RBFOX1: variants seen among roughly 807,000 people sequenced by gnomAD.
RBFOX1 encodes the protein RNA binding fox-1 homolog 1.
RBFOX1 carries 8 observed loss-of-function variants against 57.7 expected under a neutral mutation model. That is an observed-to-expected ratio of 0.14 (90% CI 0.08 to 0.25). The LOEUF (loss-of-function observed/expected upper bound fraction) is 0.25, where lower values mean the gene tolerates loss of function less well. Ranked by LOEUF, RBFOX1 falls within the 10% of genes least tolerant of loss-of-function variation. RBFOX1 has a pLI of 1.00. For missense variants in RBFOX1, 611 were observed against 548.5 expected (o/e 1.11, Z -1.14); for synonymous variants, 326 against 222.4 (o/e 1.47, Z -4.15).
chr16:7,139,176 C>CTCTCTCTGTGTGTGTG (rs372381673), intron 4 of RBFOX1, among the ~76,000 whole-genome samples: 1,768 of 145,886 alleles, frequency 0.012, 54 homozygotes, highest in East Asian at 0.066. Context: ...CAATCTCTCT[C>CTCTCTCTGTGTGTGTG]TGTGTGTGTG....
At chr16:6,295,937 C>G (rs554099185) in intron 1 of RBFOX1, among the ~76,000 whole-genome samples, 2 of 152,320 alleles carry the variant, frequency 1.3e-5, no homozygotes, top group South Asian at 4.1e-4. Context: ...TGATGTAACA[C>G]AGCTATTTTA....
chr16:6,675,455 C>T (rs1003389228), intron 3 of RBFOX1, among the ~76,000 whole-genome samples: 4 of 152,144 alleles, frequency 2.6e-5, no homozygotes, highest in Admixed American at 2.0e-4. Context: ...TCAAGACTTG[C>T]ATTTGACAAA....
chr16:6,514,851 C>A (rs535296820), intron 2 of RBFOX1, among the ~76,000 whole-genome samples: 2 of 150,066 alleles, frequency 1.3e-5, no homozygotes, highest in Non-Finnish European at 3.0e-5. Context: ...CATGGAGTTT[C>A]CAATAATAAT....
chr16:7,330,388 G>GTTT lies in RBFOX1; in HGVS notation c.28-187741_28-187739dup, dbSNP rs71391623. 1.3e-3 allele frequency among the ~76,000 whole-genome samples: 114 copies of GTTT among 88,134 alleles called. 14 individuals carry two copies. The highest frequency in any genetic ancestry group is 4.7e-3 in the African/African-American group (104 of 22,304). The allele number at this position is 88,134 out of a possible 152,430, so 57.8% of individuals were successfully genotyped here. A position where few individuals can be genotyped will look rare whatever the true frequency, so the allele number is the denominator to read the frequency against. ...GTATATGTTCAGTGCAGGTGCAGAG[G>GTTT]TTTTTTTTTTTTTTTTTTTTCTGTT... On this transcript the variant is annotated intron_variant, in intron 4 of 15. Coordinates refer to ENST00000550418, the MANE Select transcript of RBFOX1 (RefSeq NM_018723.4).
chr16:6,966,905 A>G (rs201048603), intron 3 of RBFOX1, among the ~76,000 whole-genome samples: 78,212 of 147,920 alleles, frequency 0.53, 21,619 homozygotes, highest in Non-Finnish European at 0.62. Flanking sequence ...CCATCCATCC[A>G]TCCATCCATC....
intron 3 of RBFOX1, among the ~76,000 whole-genome samples, chr16:7,004,785 A>G (rs909895367): frequency 2.0e-5 from 3 of 152,138 alleles, no homozygotes; most frequent in African/African-American, 7.2e-5. Context: ...GATTAAGATA[A>G]CCTAATCCAC....
chr16:7,185,089 A>T (rs766013403), intron 4 of RBFOX1, among the ~76,000 whole-genome samples: 1 of 152,178 alleles, frequency 6.6e-6, no homozygotes, highest in South Asian at 2.1e-4. Context: ...TCCATACAAT[A>T]TATCTATTTA....
intron 1 of RBFOX1, among the ~76,000 whole-genome samples, chr16:5,391,746 T>A (rs2066413905): frequency 6.6e-6 from 1 of 151,984 alleles, no homozygotes; most frequent in African/African-American, 2.4e-5. Context: ...TGTTTTCATA[T>A]CTAGATTTCC....
At chr16:5,708,013 C>T (rs952414956) in intron 3 of RBFOX1, among the ~76,000 whole-genome samples, 1 of 152,182 alleles carries the variant, frequency 6.6e-6, no homozygotes, top group South Asian at 2.1e-4. Context: ...AAAGGGTTCA[C>T]CACATGGTTA....
At chr16:6,035,663 C>A (rs1404974808) in intron 1 of RBFOX1, among the ~76,000 whole-genome samples, 1 of 152,168 alleles carries the variant, frequency 6.6e-6, no homozygotes. Flanking sequence ...ACGTGGCAGA[C>A]ATTGATAATC....
chr16:6,071,303 AGAGT>A (rs2095834835), intron 1 of RBFOX1, among the ~76,000 whole-genome samples: 1 of 152,236 alleles, frequency 6.6e-6, no homozygotes, highest in Non-Finnish European at 1.5e-5. Context: ...CCTGGATGAC[AGAGT>A]GAGACCCTGT....
At chr16:6,446,911 C>G (rs1362113952) in intron 2 of RBFOX1, among the ~76,000 whole-genome samples, 1 of 152,102 alleles carries the variant, frequency 6.6e-6, no homozygotes, top group Admixed American at 6.5e-5. Context: ...CATTGCCAAA[C>G]TGGTAGGTGA....
chr16:6,625,716 C>A (rs770321233), intron 2 of RBFOX1, among the ~76,000 whole-genome samples: 1 of 147,650 alleles, frequency 6.8e-6, no homozygotes, highest in Non-Finnish European at 1.5e-5. Flanking sequence ...AATCTTGTTT[C>A]TGTTATTTCC....
intron 1 of RBFOX1, among the ~76,000 whole-genome samples, chr16:6,289,853 C>A (rs1413566664): frequency 6.6e-6 from 1 of 152,104 alleles, no homozygotes; most frequent in Non-Finnish European, 1.5e-5. Context: ...AAAGAATCAT[C>A]CCTCAGTAAG....
intron 3 of RBFOX1, among the ~76,000 whole-genome samples, chr16:7,037,323 C>G (rs1211241341): frequency 7.1e-6 from 1 of 141,002 alleles, no homozygotes. Context: ...CTCACCATAA[C>G]CTCCACTTCC....
chr16:6,982,416 G>T (rs2089167856), intron 3 of RBFOX1, among the ~76,000 whole-genome samples: 2 of 152,132 alleles, frequency 1.3e-5, no homozygotes, highest in South Asian at 4.2e-4. Context: ...TCTGATCCTG[G>T]AGCATCAGTC....
chr16:7,005,280 A>T (rs1450634204), intron 3 of RBFOX1, among the ~76,000 whole-genome samples: 1 of 152,214 alleles, frequency 6.6e-6, no homozygotes, highest in African/African-American at 2.4e-5. Flanking sequence ...ACCTAAAGAT[A>T]CTTGCCTCCA....
chr16:7,587,677 T>G (rs1411436125), intron 7 of RBFOX1, among the ~76,000 whole-genome samples: 2 of 152,224 alleles, frequency 1.3e-5, no homozygotes. Flanking sequence ...TAAAGTGCAG[T>G]TATTTTCCTG....
intron 1 of RBFOX1, among the ~76,000 whole-genome samples, chr16:6,227,252 C>T (rs969665596): frequency 4.6e-5 from 7 of 152,160 alleles, no homozygotes; most frequent in African/African-American, 7.2e-5. Flanking sequence ...CCTCTTAAAA[C>T]GCACCCTCAG....
Sources: gnomAD v4.1 joint callset for allele counts (sites outside exome capture counted in the v4.1 genomes callset) on GRCh38, gnomAD v4.1.1 for gene constraint, MANE v1.5 for transcripts, NCBI Gene and HGNC (gene_info 2026-07-23, HGNC 2026-07-21) for gene names.